The following STAT3 variants were observed in gnomAD, a reference collection of about 807,000 sequenced individuals.
STAT3 encodes the protein signal transducer and activator of transcription 3, also known as DNA-binding protein APRF.
Under a neutral mutation model 114.3 loss-of-function variants are expected in STAT3, and 7 were observed. The observed-to-expected ratio is 0.06, with a 90% CI of 0.03 to 0.11. STAT3 has a LOEUF of 0.11. Ranked by LOEUF, STAT3 falls within the 10% of genes least tolerant of loss-of-function variation. STAT3 has a pLI of 1.00. For missense variants in STAT3, 364 were observed against 960.9 expected (o/e 0.38, Z 8.21); for synonymous variants, 331 against 354.5 (o/e 0.93, Z 0.74).
chr17:42,356,881 G>A (rs1364760194), intron 1 of STAT3, among the ~76,000 whole-genome samples: 5 of 152,170 alleles, frequency 3.3e-5, no homozygotes, highest in African/African-American at 1.2e-4. Context: ...TCCATCTCCT[G>A]AGTTCAAGTG....
chr17:42,316,490 A>G (rs746707436), intron 23 of STAT3: 5 of 593,728 alleles, frequency 8.4e-6, no homozygotes, highest in Non-Finnish European at 1.4e-5. Flanking sequence ...AAGTGCTGGG[A>G]TTACAGGCAT....
At chr17:42,359,864 T>C (rs2083421802) in intron 1 of STAT3, among the ~76,000 whole-genome samples, 2 of 151,620 alleles carry the variant, frequency 1.3e-5, no homozygotes, top group Admixed American at 6.6e-5. Flanking sequence ...ATCGAGACCA[T>C]CCTGGCTAAC....
chr17:42,361,007 T>A (rs1237944417), intron 1 of STAT3, among the ~76,000 whole-genome samples: 1 of 152,108 alleles, frequency 6.6e-6, no homozygotes, highest in Non-Finnish European at 1.5e-5. Context: ...CGAGAAAGGA[T>A]AAATCACTCT....
chr17:42,339,081 C>T (rs532550289), intron 5 of STAT3, among the ~76,000 whole-genome samples: 1 of 151,974 alleles, frequency 6.6e-6, no homozygotes, highest in East Asian at 1.9e-4. Context: ...GGGAGACCCC[C>T]ATCTCTACAA....
At chr17:42,376,415 C>T (rs2084462849) in intron 1 of STAT3, among the ~76,000 whole-genome samples, 1 of 151,718 alleles carries the variant, frequency 6.6e-6, no homozygotes, top group Non-Finnish European at 1.5e-5. Flanking sequence ...TGCGTGGTGG[C>T]ACACGCCTGT....
chr17:42,360,930 G>C (rs2083478354), intron 1 of STAT3, among the ~76,000 whole-genome samples: 1 of 152,158 alleles, frequency 6.6e-6, no homozygotes, highest in East Asian at 1.9e-4. Context: ...CAGGCAACAG[G>C]AGTGAGGTTA....
intron 14 of STAT3, among the ~76,000 whole-genome samples, chr17:42,329,118 G>T (rs1049714239): frequency 1.3e-5 from 2 of 152,178 alleles, no homozygotes; most frequent in African/African-American, 4.8e-5. Flanking sequence ...CCCAGGCAAG[G>T]TGGAAAGCTG....
chr17:42,326,010 A>G (rs1178976073), intron 15 of STAT3, 106 bp downstream of exon 15: 1 of 1,062,020 alleles, frequency 9.4e-7, no homozygotes, highest in Non-Finnish European at 1.5e-6. Flanking sequence ...CACAGTGTTA[A>G]GCAAACAGTA....
At chr17:42,387,022 A>G (rs997443141) in intron 1 of STAT3, 4 of 152,194 alleles carry the variant, frequency 2.6e-5, no homozygotes, top group Non-Finnish European at 5.9e-5. Flanking sequence ...TCCACATATA[A>G]AAGATTGAGA....
chr17:42,330,414 C>CCA (rs1232869547), intron 11 of STAT3, among the ~76,000 whole-genome samples: 1 of 140,318 alleles, frequency 7.1e-6, no homozygotes, highest in African/African-American at 2.7e-5. Flanking sequence ...CCGCGCCCAG[C>CCA]CACATTTTCT....
chr17:42,377,187 A>C (rs750601735), intron 1 of STAT3, among the ~76,000 whole-genome samples: 17 of 152,162 alleles, frequency 1.1e-4, no homozygotes, highest in Non-Finnish European at 1.8e-4. Context: ...GCCTATCATT[A>C]GGAAATCAAA....
rs2082105796 is a variant in STAT3, at chr17:42,333,445, C to T, written c.1049+228G>A. On this transcript the variant is annotated intron_variant, in intron 10 of 23. Transcript: ENST00000264657. This position sits in a 1 kb window ranked among gnomAD's most constrained non-coding sequence, Gnocchi z 5.2. Reference sequence around the variant, plus strand: ...GCTGTGGCCTGAGACTCCAGGTCTACAATCATAGGAATATGCCCAGGTACC... The same window carrying T: ...GCTGTGGCCTGAGACTCCAGGTCTATAATCATAGGAATATGCCCAGGTACC... 6.6e-6 allele frequency among the ~76,000 whole-genome samples: 1 copy of T among 152,114 alleles called. No individual in the cohort carries two copies. Among genetic ancestry groups the T allele is most frequent in the South Asian group, 2.1e-4 (1 of 4,830 alleles).
Position 42,339,404 on chromosome 17 carries a change from C to T in STAT3, c.378G>A (p.Gly126=). Residue 126 remains glycine, a synonymous_variant, in exon 5 of 24, where the codon GGG becomes GGA. Coordinates refer to ENST00000264657, the MANE Select transcript of STAT3 (RefSeq NM_139276.3). The stretch of plus-strand genomic sequence containing the variant: ...CTGCTGTGGGGTGGTTGGCCTGGCC[C>T]CCTTGCTGCCAAAAAGGAGGTCAAT... ...LQTAATAAQQ[G]GQANHPTAAV... is the part of the protein sequence containing the mutation. The T allele has an allele frequency of 6.2e-7, 1 of 1,614,044 alleles. No homozygotes were observed. The highest frequency in any genetic ancestry group is 1.1e-5 in the South Asian group (1 of 91,078).
intron 1 of STAT3, among the ~76,000 whole-genome samples, chr17:42,357,609 T>C (rs1024218200): frequency 2.0e-5 from 3 of 151,980 alleles, no homozygotes; most frequent in Non-Finnish European, 4.4e-5. Context: ...GAGGCAGAGG[T>C]TGCAGTGAAC....
intron 1 of STAT3, among the ~76,000 whole-genome samples, chr17:42,383,258 T>G (rs2084902818): frequency 6.6e-6 from 1 of 152,138 alleles, no homozygotes; most frequent in African/African-American, 2.4e-5. Flanking sequence ...GGTTTTACCA[T>G]GTTGGCCAGG....
intron 1 of STAT3, among the ~76,000 whole-genome samples, chr17:42,352,392 G>A (rs1159531159): frequency 6.6e-6 from 1 of 151,992 alleles, no homozygotes; most frequent in African/African-American, 2.4e-5. Context: ...CCTGCCACAG[G>A]ACAAATGCTG....
At chr17:42,328,510 C>A (rs993928944) in intron 14 of STAT3, among the ~76,000 whole-genome samples, 3 of 152,164 alleles carry the variant, frequency 2.0e-5, no homozygotes, top group Non-Finnish European at 4.4e-5. Flanking sequence ...CAGGTTCAAG[C>A]GATTCTCATG....
rs763754846 is a variant in STAT3, at chr17:42,329,583, C to T, written c.1204G>A (p.Gly402Ser). 1.1e-5 allele frequency: 18 copies of T among 1,614,100 alleles called. No individual in the cohort carries two copies. The highest frequency in any genetic ancestry group is 4.0e-5 in the African/African-American group (3 of 74,932). ...KVMNMEESNN[G>S]SLSAEFKHLT... ...TGTTTGAATTCTGCAGAGAGGCTGC[C>T]GTTGTTGGATTCTTCCATGTTCATC... Residue 402 changes from glycine (G) to serine (S), a missense_variant, in exon 13 of 24, where the codon GGC (glycine) becomes AGC (serine). By Grantham distance (56) the Gly-to-Ser change is moderately conservative (BLOSUM62 0). Around this residue, in one of 5 missense-constraint regions of STAT3, gnomAD observed 294 missense variants for 745.1 expected, o/e 0.39. Coordinates refer to ENST00000264657, the MANE Select transcript of STAT3 (RefSeq NM_139276.3).
In STAT3 at chr17:42,354,410, C is replaced by T. The variant is rs538626051; in HGVS notation, c.-23-5871G>A. 1.2e-4 allele frequency among the ~76,000 whole-genome samples: 18 copies of T among 150,188 alleles called. No individual in the cohort carries two copies. In the South Asian group the frequency reaches 1.7e-3, roughly 14 times the overall value. ...GTCTCAAACTCCTGACCTCGTGATC[C>T]GCCCGCCTCGGCCTCCCAAACTGCT... On this transcript the variant is annotated intron_variant, in intron 1 of 23. Transcript: ENST00000264657.
Sources: allele counts gnomAD v4.1 joint callset (sites outside exome capture counted in the v4.1 genomes callset), GRCh38; gene constraint gnomAD v4.1.1; regional missense constraint gnomAD v4.1.1; non-coding constraint Gnocchi (gnomAD v3.1); transcripts MANE v1.5; gene names NCBI Gene and HGNC (gene_info 2026-07-23, HGNC 2026-07-21).